The following LSAMP variants were observed in gnomAD, a reference collection of about 807,000 sequenced individuals.
The protein encoded by LSAMP is limbic system associated membrane protein.
LSAMP carries 7 observed loss-of-function variants against 38.6 expected under a neutral mutation model. The ratio of observed to expected loss-of-function variants is 0.18; its 90% CI spans 0.10 to 0.34. The LOEUF (loss-of-function observed/expected upper bound fraction) is 0.34, where lower values mean the gene tolerates loss of function less well. LSAMP is among the 10% of genes least tolerant of loss of function. The pLI, the probability that LSAMP is intolerant of heterozygous loss-of-function variation, is 1.00. For synonymous variants in LSAMP, 154 were observed against 166.8 expected, an observed-to-expected ratio of 0.92 and a Z score of 0.59; for missense variants, 313 against 420.0, an observed-to-expected ratio of 0.75 and a Z score of 2.23.
rs377465159 is a variant in LSAMP, at chr3:116,445,079, G to T, written c.-48C>A. The stretch of plus-strand genomic sequence containing the variant: ...TCCGCGGGGTGCTCTGGAGGGGTGC[G>T]CGCTGCTCGCGAGGAGAGGCTTCAC... On this transcript the variant is annotated 5_prime_UTR_variant, in exon 1 of 7. Coordinates refer to ENST00000490035, the MANE Select transcript of LSAMP (RefSeq NM_002338.5). The T allele has an allele frequency of 2.6e-6, 4 of 1,563,560 alleles. No individual in the cohort carries two copies. The highest frequency in any genetic ancestry group is 3.5e-6 in the Non-Finnish European group (4 of 1,151,850).
At chr3:116,425,463 A>G (rs2049182025) in intron 1 of LSAMP, among the ~76,000 whole-genome samples, 1 of 152,232 alleles carries the variant, frequency 6.6e-6, no homozygotes, top group South Asian at 2.1e-4. Flanking sequence ...GTACTGATGC[A>G]AATATGGCTC....
At chr3:116,236,699 C>A (rs769826794) in intron 1 of LSAMP, among the ~76,000 whole-genome samples, 2 of 152,012 alleles carry the variant, frequency 1.3e-5, no homozygotes, top group Non-Finnish European at 2.9e-5. Flanking sequence ...CACCTTTGGG[C>A]CCACAAGTTG....
chr3:116,216,264 A>G (rs1246298428), intron 1 of LSAMP, among the ~76,000 whole-genome samples: 1 of 152,130 alleles, frequency 6.6e-6, no homozygotes, highest in Non-Finnish European at 1.5e-5. Flanking sequence ...CTCATCTCCC[A>G]TGACTTCCAG....
intron 3 of LSAMP, among the ~76,000 whole-genome samples, chr3:116,017,628 T>A (rs546588235): frequency 6.6e-6 from 1 of 152,242 alleles, no homozygotes; most frequent in African/African-American, 2.4e-5. Context: ...GTCCATAAAT[T>A]TGGCTGTAAG....
chr3:115,835,570 G>A (rs775419615), intron 6 of LSAMP, among the ~76,000 whole-genome samples: 2 of 152,150 alleles, frequency 1.3e-5, no homozygotes, highest in Non-Finnish European at 2.9e-5. Context: ...CTAGCAGCTT[G>A]ATTAAATAAA....
chr3:116,054,883 T>C (rs547684228), intron 2 of LSAMP, among the ~76,000 whole-genome samples: 1 of 152,312 alleles, frequency 6.6e-6, no homozygotes, highest in Admixed American at 6.5e-5. Flanking sequence ...TTCTAGGGTT[T>C]GGTGTTTTGG....
At chr3:116,043,720 C>A (rs7432754) in intron 2 of LSAMP, among the ~76,000 whole-genome samples, 34,399 of 152,078 alleles carry the variant, frequency 0.23, 4,000 homozygotes, top group Admixed American at 0.26. Flanking sequence ...CCGAGGCAGG[C>A]GGATCACGAG....
At chr3:115,938,185 A>G (rs1354878364) in intron 3 of LSAMP, among the ~76,000 whole-genome samples, 1 of 152,298 alleles carries the variant, frequency 6.6e-6, no homozygotes, top group East Asian at 1.9e-4. Context: ...AAATGAATAG[A>G]TAATTTATTA....
intron 2 of LSAMP, among the ~76,000 whole-genome samples, chr3:116,073,528 A>G (rs1351529031): frequency 6.6e-6 from 1 of 152,206 alleles, no homozygotes; most frequent in Non-Finnish European, 1.5e-5. Flanking sequence ...TTTTCACAAT[A>G]TTGATTCTAT....
At chr3:116,009,640 G>T (rs542800189) in intron 3 of LSAMP, among the ~76,000 whole-genome samples, 2 of 152,260 alleles carry the variant, frequency 1.3e-5, no homozygotes, top group African/African-American at 4.8e-5. Flanking sequence ...GGCCACAAAA[G>T]TTATGCTACA....
intron 1 of LSAMP, among the ~76,000 whole-genome samples, chr3:116,219,501 T>A (rs2046257724): frequency 6.6e-6 from 1 of 152,198 alleles, no homozygotes; most frequent in African/African-American, 2.4e-5. Flanking sequence ...ATATGGTAGT[T>A]CCATTTTTAA....
At chr3:116,325,150 G>T (rs1410797426) in intron 1 of LSAMP, among the ~76,000 whole-genome samples, 2 of 150,778 alleles carry the variant, frequency 1.3e-5, no homozygotes, top group Non-Finnish European at 3.0e-5. Context: ...ATATACTAGA[G>T]ATGAGGTCTC....
At chr3:116,050,533 G>GA (rs35972347) in intron 2 of LSAMP, among the ~76,000 whole-genome samples, 14 of 138,878 alleles carry the variant, frequency 1.0e-4, no homozygotes, top group South Asian at 2.2e-4. Flanking sequence ...AAATTAGGGG[G>GA]AAAAAAAAAA....
At chr3:116,171,844 A>G (rs559446846) in intron 1 of LSAMP, among the ~76,000 whole-genome samples, 4 of 152,180 alleles carry the variant, frequency 2.6e-5, no homozygotes, top group Non-Finnish European at 5.9e-5. Flanking sequence ...ATTTATCTCT[A>G]TCTCTTTGGA....
intron 1 of LSAMP, among the ~76,000 whole-genome samples, chr3:116,392,562 A>G (rs981668150): frequency 6.6e-6 from 1 of 152,244 alleles, no homozygotes; most frequent in Admixed American, 6.5e-5. Flanking sequence ...GCTGGCCTGA[A>G]GGTGCCCCTT....
At chr3:116,008,272 G>T (rs1940222713) in intron 3 of LSAMP, among the ~76,000 whole-genome samples, 1 of 152,196 alleles carries the variant, frequency 6.6e-6, no homozygotes. Context: ...AGGGTTTAAA[G>T]AACTTACTTA....
chr3:115,984,389 C>T (rs1327781006), intron 3 of LSAMP, among the ~76,000 whole-genome samples: 3 of 152,030 alleles, frequency 2.0e-5, no homozygotes, highest in African/African-American at 7.2e-5. Flanking sequence ...TAGATGTATG[C>T]TAAAATAAGA....
chr3:116,424,440 C>T (rs565751684), intron 1 of LSAMP, among the ~76,000 whole-genome samples: 1 of 152,140 alleles, frequency 6.6e-6, no homozygotes, highest in South Asian at 2.1e-4. Flanking sequence ...GTACCTTCTC[C>T]AAGGGGCAAT....
At chr3:115,980,159 G>T (rs997391276) in intron 3 of LSAMP, among the ~76,000 whole-genome samples, 1 of 152,034 alleles carries the variant, frequency 6.6e-6, no homozygotes, top group African/African-American at 2.4e-5. Context: ...TAACATTCAT[G>T]AAGTAAAATA....
Sources: gnomAD v4.1 joint callset for allele counts (sites outside exome capture counted in the v4.1 genomes callset) on GRCh38, gnomAD v4.1.1 for gene constraint, MANE v1.5 for transcripts, NCBI Gene and HGNC (gene_info 2026-07-23, HGNC 2026-07-21) for gene names.